Variants in RPRD1A observed in about 807,000 individuals in gnomAD.
The protein encoded by RPRD1A is regulation of nuclear pre-mRNA domain-containing protein 1A.
In RPRD1A, 9 loss-of-function variants were observed where a neutral mutation model predicts 37.8. The ratio of observed to expected loss-of-function variants is 0.24; its 90% CI spans 0.14 to 0.42. The LOEUF (loss-of-function observed/expected upper bound fraction) is 0.42. Among genes scored for constraint, RPRD1A ranks in the 10% least tolerant of loss-of-function variants. The probability of loss-of-function intolerance (pLI) is 1.00; values close to 1 mark genes in which losing one functional copy is unlikely to be tolerated. For synonymous variants in RPRD1A, 138 were observed against 139.7 expected (o/e 0.99, Z 0.08); for missense variants, 255 against 371.0 (o/e 0.69, Z 2.57).
intron 6 of RPRD1A, among the ~76,000 whole-genome samples, chr18:36,019,194 AC>A (rs1050840759): frequency 7.4e-6 from 1 of 135,866 alleles, no homozygotes; most frequent in Non-Finnish European, 1.5e-5. Context: ...TGCAAGCTCC[AC>A]CTCCCGGGTT....
chr18:35,990,209 T>C lies in RPRD1A; in HGVS notation c.*2942A>G, dbSNP rs1463020516. 6 of 152,252 alleles carry C rather than the reference T, an allele frequency of 3.9e-5. No homozygotes were observed. Among genetic ancestry groups the C allele is most frequent in the South Asian group, 4.1e-4 (2 of 4,830 alleles). The allele number at this position is 152,252 out of a possible 1,614,324, so 9.4% of individuals were successfully genotyped here. ...AAAAATTCAGAAAGGACATTCTAAC[T>C]TTCCCAATTAGTTAATTTGTACTGT... On this transcript the variant is annotated 3_prime_UTR_variant, in exon 7 of 7. Transcript: ENST00000399022.
intron 1 of RPRD1A, among the ~76,000 whole-genome samples, chr18:36,036,881 T>C (rs1912226738): frequency 1.3e-5 from 2 of 152,256 alleles, no homozygotes; most frequent in African/African-American, 4.8e-5. Context: ...AATGTAAGAC[T>C]AAGTGACAGG....
intron 1 of RPRD1A, among the ~76,000 whole-genome samples, chr18:36,048,063 C>CTTTTTTT (rs1156933838): frequency 1.7e-5 from 2 of 114,472 alleles, no homozygotes; most frequent in South Asian, 2.7e-4. Context: ...GTACCCATTC[C>CTTTTTTT]TTTTTTTTTT....
intron 6 of RPRD1A, among the ~76,000 whole-genome samples, chr18:35,994,070 C>G (rs1292647485): frequency 6.6e-6 from 1 of 152,150 alleles, no homozygotes; most frequent in Admixed American, 6.5e-5. Context: ...TCCAAAAGCT[C>G]AGCACCCACA....
At chr18:36,065,149 A>AC (rs764113858) in intron 1 of RPRD1A, among the ~76,000 whole-genome samples, 8 of 152,224 alleles carry the variant, frequency 5.3e-5, no homozygotes, top group Non-Finnish European at 8.8e-5. Context: ...AGTCAGCGAG[A>AC]CCAAGAACCC....
chr18:36,002,309 G>A (rs1423814993), intron 6 of RPRD1A, among the ~76,000 whole-genome samples: 1 of 152,128 alleles, frequency 6.6e-6, no homozygotes, highest in African/African-American at 2.4e-5. Flanking sequence ...TTTCCATTCT[G>A]TTTTCACTTT....
intron 1 of RPRD1A, among the ~76,000 whole-genome samples, chr18:36,045,459 T>A (rs966273602): frequency 3.9e-5 from 6 of 152,162 alleles, no homozygotes; most frequent in Admixed American, 2.6e-4. Flanking sequence ...GCTTACATAG[T>A]TTCTGTCTGG....
intron 6 of RPRD1A, among the ~76,000 whole-genome samples, chr18:36,011,224 C>A (rs1181836639): frequency 1.3e-5 from 2 of 152,110 alleles, no homozygotes; most frequent in Non-Finnish European, 2.9e-5. Context: ...ATTTTACAGA[C>A]AAGGAAACAG....
intron 1 of RPRD1A, among the ~76,000 whole-genome samples, chr18:36,038,641 C>A (rs977997499): frequency 6.6e-5 from 10 of 152,218 alleles, no homozygotes; most frequent in African/African-American, 1.7e-4. Flanking sequence ...AAGAGGGCCA[C>A]TGTCCTCCAG....
intron 1 of RPRD1A, among the ~76,000 whole-genome samples, chr18:36,064,803 A>T (rs1315321558): frequency 1.3e-5 from 2 of 152,064 alleles, no homozygotes; most frequent in East Asian, 3.9e-4. Flanking sequence ...CTTCACAATA[A>T]ATCTTGCTGC....
intron 4 of RPRD1A, among the ~76,000 whole-genome samples, 178 bp downstream of exon 4, chr18:36,030,630 C>T (rs1645089331): frequency 6.6e-6 from 1 of 152,104 alleles, no homozygotes; most frequent in Non-Finnish European, 1.5e-5. Flanking sequence ...ATACAATATA[C>T]AACATACTAC....
intron 6 of RPRD1A, among the ~76,000 whole-genome samples, chr18:36,005,231 G>T (rs558217795): frequency 6.6e-6 from 1 of 152,076 alleles, no homozygotes; most frequent in Admixed American, 6.6e-5. Context: ...AGCCCGGGAG[G>T]TGGAGCTTGC....
chr18:36,016,583 A>T (rs1910595235), intron 6 of RPRD1A, among the ~76,000 whole-genome samples: 1 of 152,086 alleles, frequency 6.6e-6, no homozygotes, highest in East Asian at 1.9e-4. Context: ...TGCTTTTTTT[A>T]AATTATTTTA....
At chr18:36,026,446 G>A (rs1006859783) in intron 6 of RPRD1A, 5 of 153,744 alleles carry the variant, frequency 3.3e-5, no homozygotes, top group Admixed American at 6.4e-5. Context: ...AGTGTGAGCC[G>A]GGAGTGGGGC....
intron 1 of RPRD1A, among the ~76,000 whole-genome samples, chr18:36,041,582 G>A (rs1009556411): frequency 2.6e-5 from 4 of 152,166 alleles, no homozygotes; most frequent in South Asian, 2.1e-4. Flanking sequence ...CATTTTCTGA[G>A]GCAAAAATGA....
chr18:36,012,635 T>C (rs1208371072), intron 6 of RPRD1A, among the ~76,000 whole-genome samples: 1 of 152,226 alleles, frequency 6.6e-6, no homozygotes, highest in Non-Finnish European at 1.5e-5. Context: ...TGCCTAACTA[T>C]GCACTTCTCA....
chr18:36,035,939 A>T (rs563756250), intron 1 of RPRD1A, among the ~76,000 whole-genome samples: 1 of 152,286 alleles, frequency 6.6e-6, no homozygotes, highest in East Asian at 1.9e-4. Flanking sequence ...TGGGAATGGG[A>T]GGAGAATAGG....
At chr18:36,039,310 T>C (rs777422261) in intron 1 of RPRD1A, among the ~76,000 whole-genome samples, 3 of 152,228 alleles carry the variant, frequency 2.0e-5, no homozygotes, top group Non-Finnish European at 4.4e-5. Context: ...CTCAGTTCTT[T>C]ATAGCAATGT....
At chr18:36,061,309 T>C (rs541071805) in intron 1 of RPRD1A, among the ~76,000 whole-genome samples, 1 of 152,354 alleles carries the variant, frequency 6.6e-6, no homozygotes, top group African/African-American at 2.4e-5. Context: ...ACCATTGTAA[T>C]ACACAATCAA....
Sources: gnomAD v4.1 joint callset for allele counts (sites outside exome capture counted in the v4.1 genomes callset) on GRCh38, gnomAD v4.1.1 for gene constraint, MANE v1.5 for transcripts, NCBI Gene and HGNC (gene_info 2026-07-23, HGNC 2026-07-21) for gene names.